The following KIAA1549L variants were observed in gnomAD, a reference collection of about 807,000 sequenced individuals.
KIAA1549L encodes UPF0606 protein KIAA1549L.
A neutral mutation model predicts 160.7 loss-of-function variants in KIAA1549L; 88 were observed. The observed-to-expected ratio is 0.55, with a 90% CI of 0.46 to 0.65. KIAA1549L has a LOEUF of 0.65. KIAA1549L is among the 30% of genes least tolerant of loss of function. The probability of loss-of-function intolerance (pLI) is 0.00; values close to 1 mark genes in which losing one functional copy is unlikely to be tolerated. For missense variants in KIAA1549L, 2,258 were observed against 2,437.5 expected (o/e 0.93, Z 1.55); for synonymous variants, 950 against 976.7 (o/e 0.97, Z 0.51).
At chr11:33,450,584 AC>A (rs1188485773) in intron 1 of KIAA1549L, 6 of 94,628 alleles carry the variant, frequency 6.3e-5, no homozygotes, top group Admixed American at 1.2e-4. Flanking sequence ...AACAACAACA[AC>A]AACAAAAAAG....
At chr11:33,396,778 T>C (rs964565744) in intron 1 of KIAA1549L, among the ~76,000 whole-genome samples, 6 of 151,434 alleles carry the variant, frequency 4.0e-5, no homozygotes, top group Non-Finnish European at 8.8e-5. Context: ...ATGATGAAAC[T>C]GTCTCTACGG....
At chr11:33,480,421 T>A (rs1196395915) in intron 1 of KIAA1549L, among the ~76,000 whole-genome samples, 3 of 152,234 alleles carry the variant, frequency 2.0e-5, no homozygotes, top group African/African-American at 7.2e-5. Context: ...TTACTTTATT[T>A]GCTCGTTCAT....
chr11:33,499,255 A>T (rs974589883), intron 1 of KIAA1549L, among the ~76,000 whole-genome samples: 4 of 152,156 alleles, frequency 2.6e-5, no homozygotes. Context: ...CTACCATCTG[A>T]TCTTTGATTA....
chr11:33,644,861 C>A (rs747348569), intron 16 of KIAA1549L, among the ~76,000 whole-genome samples: 7 of 152,244 alleles, frequency 4.6e-5, no homozygotes, highest in African/African-American at 7.2e-5. Context: ...TAAACTCCTA[C>A]AGGCATCCCC....
intron 10 of KIAA1549L, among the ~76,000 whole-genome samples, chr11:33,575,673 A>G (rs1855421565): frequency 6.6e-6 from 1 of 152,168 alleles, no homozygotes; most frequent in Admixed American, 6.5e-5. Flanking sequence ...ACACGTGAAG[A>G]TTTCAGCAGA....
chr11:33,475,700 A>AG (rs906299284), intron 1 of KIAA1549L, among the ~76,000 whole-genome samples: 30 of 151,694 alleles, frequency 2.0e-4, no homozygotes, highest in African/African-American at 6.5e-4. Flanking sequence ...TCTCTCAAAA[A>AG]AAAAAAAAAA....
Position 33,576,756 on chromosome 11 carries a change from T to G in KIAA1549L, c.4402+1883T>G, listed in dbSNP as rs540633861. ...TCAAGGATGACTCCTAGGTGCTGGC[T>G]TGAGCATTGGTTGTGGTGCCATTTG... On this transcript the variant is annotated intron_variant, in intron 10 of 20. Coordinates refer to ENST00000658780, the MANE Select transcript of KIAA1549L (RefSeq NM_012194.3). Among the ~76,000 whole-genome samples the G allele has an allele frequency of 3.3e-5, 5 of 152,314 alleles. 1 individual carries two copies. Among genetic ancestry groups the G allele is most frequent in the African/African-American group, 1.2e-4 (5 of 41,566 alleles).
intron 1 of KIAA1549L, among the ~76,000 whole-genome samples, chr11:33,447,225 C>T (rs953469645): frequency 6.6e-6 from 1 of 152,014 alleles, no homozygotes; most frequent in Non-Finnish European, 1.5e-5. Context: ...CATAGCACAC[C>T]CTGAACGCTT....
At chr11:33,641,192 G>A (rs1232708801) in intron 16 of KIAA1549L, among the ~76,000 whole-genome samples, 7 of 152,104 alleles carry the variant, frequency 4.6e-5, no homozygotes, top group Admixed American at 6.5e-5. Flanking sequence ...ACAGGTCCTC[G>A]AGTCAATTTG....
chr11:33,472,612 G>C (rs1411338829), intron 1 of KIAA1549L, among the ~76,000 whole-genome samples: 1 of 152,110 alleles, frequency 6.6e-6, no homozygotes, highest in Non-Finnish European at 1.5e-5. Context: ...CTGTTACAGA[G>C]GCTCCTGTCT....
chr11:33,562,974 C>G (rs955214572), intron 8 of KIAA1549L, among the ~76,000 whole-genome samples: 19 of 151,920 alleles, frequency 1.3e-4, no homozygotes, highest in African/African-American at 4.4e-4. Flanking sequence ...AGCCGCTGTG[C>G]CTGGCCTAAC....
chr11:33,520,757 T>A (rs531802406), intron 1 of KIAA1549L, among the ~76,000 whole-genome samples: 1 of 138,584 alleles, frequency 7.2e-6, no homozygotes, highest in South Asian at 2.4e-4. Flanking sequence ...TCTCTCCCCC[T>A]CTCTCGTAAT....
At chr11:33,441,487 A>T (rs1851505110) in intron 1 of KIAA1549L, among the ~76,000 whole-genome samples, 1 of 98,018 alleles carries the variant, frequency 1.0e-5, no homozygotes, top group African/African-American at 4.5e-5. Flanking sequence ...ATCCCTGAGG[A>T]ATCGCCACAC....
At chr11:33,409,758 T>C (rs1030501559) in intron 1 of KIAA1549L, among the ~76,000 whole-genome samples, 1 of 131,988 alleles carries the variant, frequency 7.6e-6, no homozygotes, top group African/African-American at 2.7e-5. Context: ...TCTTATGTGT[T>C]CTCACCTCTT....
At chr11:33,585,266 C>A (rs1010769315) in intron 11 of KIAA1549L, among the ~76,000 whole-genome samples, 8 of 152,274 alleles carry the variant, frequency 5.3e-5, no homozygotes, top group African/African-American at 1.9e-4. Flanking sequence ...CGCCTGTAAT[C>A]CCAGCATTTT....
intron 1 of KIAA1549L, among the ~76,000 whole-genome samples, chr11:33,510,607 A>G (rs1341983872): frequency 6.6e-6 from 1 of 152,246 alleles, no homozygotes; most frequent in Non-Finnish European, 1.5e-5. Flanking sequence ...GTCCTAAAAC[A>G]GGGGCAGGTA....
chr11:33,512,711 G>A lies in KIAA1549L; in HGVS notation c.239-29091G>A, dbSNP rs111695045. Reference sequence around the variant, plus strand: ...GCTGAGATTACAGGCGTGAGCCATTGCGCCCGGCCCCTGCTCTAGGTAATA... The same window carrying A: ...GCTGAGATTACAGGCGTGAGCCATTACGCCCGGCCCCTGCTCTAGGTAATA... On this transcript the variant is annotated intron_variant, in intron 1 of 20. Coordinates refer to ENST00000658780, the MANE Select transcript of KIAA1549L (RefSeq NM_012194.3). 2.0e-5 allele frequency among the ~76,000 whole-genome samples: 3 copies of A among 152,302 alleles called. 1 individual carries two copies. Among genetic ancestry groups the A allele is most frequent in the African/African-American group, 7.2e-5 (3 of 41,570 alleles).
intron 1 of KIAA1549L, among the ~76,000 whole-genome samples, chr11:33,420,560 TGAA>T (rs893318925): frequency 1.3e-5 from 2 of 152,166 alleles, no homozygotes; most frequent in African/African-American, 4.8e-5. Context: ...TAAGCTGTTC[TGAA>T]GAAGTTGTAT....
chr11:33,647,574 A>G (rs1282867939), intron 17 of KIAA1549L, among the ~76,000 whole-genome samples: 1 of 152,138 alleles, frequency 6.6e-6, no homozygotes, highest in Non-Finnish European at 1.5e-5. Context: ...ATTCATCACC[A>G]TAGCATCTAA....
Sources: gnomAD v4.1 joint callset for allele counts (sites outside exome capture counted in the v4.1 genomes callset) on GRCh38, gnomAD v4.1.1 for gene constraint, MANE v1.5 for transcripts, NCBI Gene and HGNC (gene_info 2026-07-23, HGNC 2026-07-21) for gene names.